PCDHA3: variants seen among roughly 807,000 people sequenced by gnomAD.
The protein encoded by PCDHA3 is protocadherin alpha-3.
Under a neutral mutation model 62.2 loss-of-function variants are expected in PCDHA3, and 41 were observed. The ratio of observed to expected loss-of-function variants is 0.66; its 90% confidence interval spans 0.51 to 0.86. The LOEUF is 0.86. Among genes scored for constraint, PCDHA3 ranks in the 40% least tolerant of loss-of-function variants. The probability of loss-of-function intolerance (pLI) is 0.00; values close to 1 mark genes in which losing one functional copy is unlikely to be tolerated. For synonymous variants in PCDHA3, 640 were observed against 555.4 expected (o/e 1.15, Z -2.14); for missense variants, 1,304 against 1,241.2 (o/e 1.05, Z -0.76).
rs2150372271 is a variant in PCDHA3, at chr5:140,844,591, T to C, written c.2394+41000T>C. ...TAATATTCCACATTAAAGTGATATT[T>C]AATATATGACTTAGAAAAATGTTTT... On this transcript the variant is annotated intron_variant, in intron 1 of 3. Transcript: ENST00000522353. Among the ~76,000 whole-genome samples the C allele has an allele frequency of 8.0e-5, 12 of 149,484 alleles. 2 individuals carry two copies. Among genetic ancestry groups the C allele is most frequent in the Non-Finnish European group, 1.6e-4 (11 of 66,840 alleles).
chr5:140,842,286 C>T lies in PCDHA3; in HGVS notation c.2394+38695C>T, dbSNP rs1554138940. 21 of 1,610,290 alleles carry T rather than the reference C, an allele frequency of 1.3e-5. 1 individual carries two copies. The highest frequency in any genetic ancestry group is 1.5e-5 in the Non-Finnish European group (18 of 1,176,908). On this transcript the variant is annotated intron_variant, in intron 1 of 3. Transcript: ENST00000522353. ...AACTTATACAAAATCCTCATTGACG[C>T]CACGGACAAAGGCCATCCTCCCATG...
chr5:140,929,508 A>C (rs1200880949), intron 1 of PCDHA3: 3 of 831,290 alleles, frequency 3.6e-6, no homozygotes, highest in Non-Finnish European at 5.1e-6. Context: ...CCTAGGCCTC[A>C]AGGGACTTAT....
At chr5:140,980,713 C>T (rs1034858406) in intron 2 of PCDHA3, among the ~76,000 whole-genome samples, 2 of 151,366 alleles carry the variant, frequency 1.3e-5, no homozygotes, top group Non-Finnish European at 2.9e-5. Flanking sequence ...TGCTCCTATT[C>T]GGGTTTCAAT....
chr5:140,938,034 A>G (rs541380016), intron 1 of PCDHA3, among the ~76,000 whole-genome samples: 2 of 152,160 alleles, frequency 1.3e-5, no homozygotes, highest in South Asian at 4.2e-4. Flanking sequence ...TCATATTTTT[A>G]TATTTTGGGT....
intron 3 of PCDHA3, among the ~76,000 whole-genome samples, chr5:140,997,321 T>C (rs964967011): frequency 1.3e-5 from 2 of 152,174 alleles, no homozygotes; most frequent in Non-Finnish European, 2.9e-5. Flanking sequence ...CTTTAGGCAG[T>C]TTTTTCGTTG....
chr5:140,906,824 G>A (rs2072970432), intron 1 of PCDHA3, among the ~76,000 whole-genome samples: 1 of 152,216 alleles, frequency 6.6e-6, no homozygotes, highest in African/African-American at 2.4e-5. Flanking sequence ...CTGTGGAGTA[G>A]TAGACTGATT....
At chr5:140,828,480 C>T (rs2150155804) in intron 1 of PCDHA3, 2 of 1,614,198 alleles carry the variant, frequency 1.2e-6, no homozygotes, top group Non-Finnish European at 8.5e-7. Flanking sequence ...AACGACAACC[C>T]GCCCTTGTTC....
At chr5:140,976,338 G>A (rs1554237535) in intron 1 of PCDHA3, among the ~76,000 whole-genome samples, 1 of 152,018 alleles carries the variant, frequency 6.6e-6, no homozygotes, top group Non-Finnish European at 1.5e-5. Flanking sequence ...ATTGCCTGAG[G>A]TCAGGTGTTC....
chr5:140,870,880 G>C (rs782304708), intron 1 of PCDHA3: 1 of 1,613,948 alleles, frequency 6.2e-7, no homozygotes, highest in South Asian at 1.1e-5. Context: ...GGTGGCGAAG[G>C]TGCGCGCAGT....
chr5:140,801,398 G>A lies in PCDHA3; in HGVS notation c.201G>A (p.Ala67=), dbSNP rs1581642046. Residue 67 remains alanine (A), a synonymous_variant, in exon 1 of 4, where the codon GCG becomes GCA. Transcript: ENST00000522353. ...AELVPRLFRV[A]SKRHGDLLEV... ...TGGTGCCGCGCCTGTTCCGGGTGGC[G>A]TCCAAAAGACACGGGGACCTTCTGG... The A allele has an allele frequency of 6.2e-7, 1 of 1,613,688 alleles. No homozygotes were observed. The highest frequency in any genetic ancestry group is 2.2e-5 in the East Asian group (1 of 44,888).
chr5:140,905,399 A>AT (rs1414882789), intron 1 of PCDHA3, among the ~76,000 whole-genome samples: 8 of 152,142 alleles, frequency 5.3e-5, no homozygotes, highest in African/African-American at 1.9e-4. Context: ...CTGTGTGCCT[A>AT]TTTTTATACC....
chr5:140,937,560 T>A (rs933672983), intron 1 of PCDHA3, among the ~76,000 whole-genome samples: 1 of 152,060 alleles, frequency 6.6e-6, no homozygotes, highest in Non-Finnish European at 1.5e-5. Flanking sequence ...GAGGTTGCAG[T>A]GAGCTGGGAT....
intron 1 of PCDHA3, chr5:140,821,979 G>A (rs2150112472): frequency 8.7e-6 from 14 of 1,614,132 alleles, no homozygotes; most frequent in South Asian, 4.4e-5. Context: ...TGGCGTCCAA[G>A]GGCCGCGGGG....
intron 1 of PCDHA3, chr5:140,968,960 T>C (rs1563384845): frequency 6.2e-7 from 1 of 1,614,212 alleles, no homozygotes; most frequent in South Asian, 1.1e-5. Context: ...CATCAAGTGC[T>C]ACCGCTACAC....
chr5:140,989,253 G>C (rs886150768), intron 3 of PCDHA3, among the ~76,000 whole-genome samples: 1 of 152,194 alleles, frequency 6.6e-6, no homozygotes, highest in Non-Finnish European at 1.5e-5. Flanking sequence ...CTTGTCAAAA[G>C]GGAGATTCAA....
At chr5:140,881,323 T>C in intron 1 of PCDHA3, 1 of 984,214 alleles carries the variant, frequency 1.0e-6, no homozygotes, top group South Asian at 4.7e-5. Flanking sequence ...AAATTCTATT[T>C]AACCAGGACG....
chr5:140,886,910 T>C (rs1373910489), intron 1 of PCDHA3, among the ~76,000 whole-genome samples: 1 of 152,100 alleles, frequency 6.6e-6, no homozygotes, highest in African/African-American at 2.4e-5. Context: ...TAAATACTTA[T>C]TGAGTGTTCT....
intron 1 of PCDHA3, chr5:140,841,828 C>A: frequency 6.2e-7 from 1 of 1,613,892 alleles, no homozygotes; most frequent in Middle Eastern, 1.6e-4. Context: ...CCGTGTTAAC[C>A]TACAGGCTTA....
chr5:140,835,093 A>T (rs2150230722), intron 1 of PCDHA3: 1 of 1,240,950 alleles, frequency 8.1e-7, no homozygotes, highest in East Asian at 2.6e-5. Context: ...GACAACAATG[A>T]CAATGCCCCA....
Sources: allele counts gnomAD v4.1 joint callset (sites outside exome capture counted in the v4.1 genomes callset), GRCh38; gene constraint gnomAD v4.1.1; transcripts MANE v1.5; gene names NCBI Gene and HGNC (gene_info 2026-07-23, HGNC 2026-07-21).